ARHGAP6: variants seen among roughly 807,000 people sequenced by gnomAD.
The protein encoded by ARHGAP6 is rho GTPase-activating protein 6.
In ARHGAP6, 16 loss-of-function variants were observed where a neutral mutation model predicts 55.7. The ratio of observed to expected loss-of-function variants is 0.29; its 90% confidence interval spans 0.19 to 0.44. The LOEUF (loss-of-function observed/expected upper bound fraction) is 0.44. Ranked by LOEUF, ARHGAP6 falls within the 20% of genes least tolerant of loss-of-function variation. The pLI, the probability that ARHGAP6 is intolerant of heterozygous loss-of-function variation, is 1.00. For missense variants in ARHGAP6, 698 were observed against 808.9 expected (o/e 0.86, Z 1.66); for synonymous variants, 382 against 360.9 (o/e 1.06, Z -0.66).
intron 1 of ARHGAP6, among the ~76,000 whole-genome samples, chrX:11,609,696 C>T (rs1460717923): frequency 2.7e-5 from 3 of 111,987 alleles, no homozygotes; most frequent in Non-Finnish European, 1.9e-5. Flanking sequence ...GTGGAAAGGG[C>T]ATCAACAGCA....
intron 1 of ARHGAP6, among the ~76,000 whole-genome samples, chrX:11,270,599 C>A (rs969738323): frequency 8.9e-6 from 1 of 111,833 alleles, no homozygotes; most frequent in African/African-American, 3.2e-5. Flanking sequence ...AGGGGTGTAA[C>A]ACCATGAAAG....
intron 9 of ARHGAP6, chrX:11,169,291 T>G: frequency 3.3e-6 from 1 of 305,988 alleles, no homozygotes; most frequent in African/African-American, 2.7e-5. Context: ...AAATGAAAAT[T>G]ATAATTTGGC....
intron 1 of ARHGAP6, among the ~76,000 whole-genome samples, chrX:11,492,395 C>A (rs1188350504): frequency 9.0e-6 from 1 of 111,560 alleles, no homozygotes; most frequent in Non-Finnish European, 1.9e-5. Context: ...ACCAAACATT[C>A]TATATCAGAA....
chrX:11,211,222 G>GTT (rs1231718233), intron 2 of ARHGAP6, among the ~76,000 whole-genome samples: 64 of 91,881 alleles, frequency 7.0e-4, no homozygotes, highest in African/African-American at 2.1e-3. Context: ...GAGAACTGCT[G>GTT]TTTTTTTTTT....
At chrX:11,447,603 G>C (rs1226474027) in intron 1 of ARHGAP6, among the ~76,000 whole-genome samples, 1 of 112,217 alleles carries the variant, frequency 8.9e-6, no homozygotes, top group Non-Finnish European at 1.9e-5. Context: ...ATTTACTCTC[G>C]GCTTTTTACA....
chrX:11,177,002 C>T (rs2046235299), intron 8 of ARHGAP6, among the ~76,000 whole-genome samples: 1 of 112,312 alleles, frequency 8.9e-6, no homozygotes, highest in African/African-American at 3.2e-5. Context: ...AGAAATTTGA[C>T]AAACACAGAA....
chrX:11,424,314 T>G (rs2049857031), intron 1 of ARHGAP6, among the ~76,000 whole-genome samples: 1 of 112,713 alleles, frequency 8.9e-6, no homozygotes, highest in South Asian at 3.6e-4. Context: ...AGGCAGCAAT[T>G]GGATTTCAGA....
chrX:11,406,961 T>C (rs1222325416), intron 1 of ARHGAP6, among the ~76,000 whole-genome samples: 1 of 111,078 alleles, frequency 9.0e-6, no homozygotes, highest in Non-Finnish European at 1.9e-5. Flanking sequence ...CTTGGCTTTC[T>C]TGGTTCATTT....
chrX:11,446,923 G>C (rs920833705), intron 1 of ARHGAP6, among the ~76,000 whole-genome samples: 1 of 111,840 alleles, frequency 8.9e-6, no homozygotes, highest in African/African-American at 3.2e-5. Context: ...ATTAAAAAAA[G>C]TGCTTATTAA....
intron 2 of ARHGAP6, among the ~76,000 whole-genome samples, chrX:11,216,724 T>C (rs1014429708): frequency 2.7e-5 from 3 of 112,107 alleles, no homozygotes; most frequent in Admixed American, 9.4e-5. Context: ...TTTTTTCTTT[T>C]TTTATTATAC....
At chrX:11,224,569 G>C (rs183768900) in intron 2 of ARHGAP6, among the ~76,000 whole-genome samples, 14 of 111,476 alleles carry the variant, frequency 1.3e-4, no homozygotes, top group African/African-American at 4.6e-4. Flanking sequence ...GCATATTTGT[G>C]CAAGAGTAAC....
intron 2 of ARHGAP6, among the ~76,000 whole-genome samples, chrX:11,219,491 T>TA (rs1172574452): frequency 1.0e-5 from 1 of 96,785 alleles, no homozygotes; most frequent in Non-Finnish European, 2.1e-5. Context: ...TGAACTAGTT[T>TA]ACAGTCCCAC....
intron 1 of ARHGAP6, among the ~76,000 whole-genome samples, chrX:11,455,081 T>G (rs1370601852): frequency 8.9e-6 from 1 of 112,268 alleles, no homozygotes; most frequent in African/African-American, 3.2e-5. Flanking sequence ...GATTCCAATA[T>G]ATCTACTTGA....
chrX:11,185,473 A>G (rs774584020), intron 5 of ARHGAP6, among the ~76,000 whole-genome samples: 2 of 111,802 alleles, frequency 1.8e-5, no homozygotes, highest in South Asian at 7.4e-4. Context: ...TAGCCTCAGA[A>G]TTTTCTTTGC....
At chrX:11,524,709 G>A (rs1218642724) in intron 1 of ARHGAP6, among the ~76,000 whole-genome samples, 4 of 111,010 alleles carry the variant, frequency 3.6e-5, no homozygotes, top group East Asian at 2.8e-4. Context: ...TCCAAGGACC[G>A]GAGGGGAGGA....
intron 9 of ARHGAP6, among the ~76,000 whole-genome samples, chrX:11,160,013 C>T (rs919743143): frequency 1.5e-4 from 17 of 110,749 alleles, no homozygotes; most frequent in African/African-American, 5.6e-4. Context: ...TTTTAATGAA[C>T]AGCAGAGCAA....
intron 2 of ARHGAP6, among the ~76,000 whole-genome samples, chrX:11,247,140 A>G (rs1463927262): frequency 8.9e-6 from 1 of 111,808 alleles, no homozygotes; most frequent in Non-Finnish European, 1.9e-5. Flanking sequence ...TTTATAAGGA[A>G]GCCATATAAT....
intron 1 of ARHGAP6, among the ~76,000 whole-genome samples, chrX:11,509,556 G>A (rs1369032083): frequency 8.9e-6 from 1 of 111,762 alleles, no homozygotes; most frequent in African/African-American, 3.3e-5. Context: ...CCTATCAGGT[G>A]GACCTTCACA....
chrX:11,573,842 C>T (rs777211750), intron 1 of ARHGAP6, among the ~76,000 whole-genome samples: 44 of 111,402 alleles, frequency 3.9e-4, no homozygotes, highest in African/African-American at 1.3e-3. Flanking sequence ...TCCATTTCTT[C>T]GTATCCTCTT....
Sources: gnomAD v4.1 joint callset for allele counts (sites outside exome capture counted in the v4.1 genomes callset) on GRCh38, gnomAD v4.1.1 for gene constraint, MANE v1.5 for transcripts, NCBI Gene and HGNC (gene_info 2026-07-23, HGNC 2026-07-21) for gene names.